Variants in SPTBN4 observed in about 807,000 individuals in gnomAD.
SPTBN4 encodes spectrin beta, non-erythrocytic 4.
SPTBN4 carries 96 observed loss-of-function variants against 277.8 expected under a neutral mutation model. That is an observed-to-expected ratio of 0.35 (90% CI 0.29 to 0.41). The LOEUF (loss-of-function observed/expected upper bound fraction) is 0.41. Ranked by LOEUF, SPTBN4 falls within the 10% of genes least tolerant of loss-of-function variation. The pLI, the probability that SPTBN4 is intolerant of heterozygous loss-of-function variation, is 1.00. For missense variants in SPTBN4, 3,006 were observed against 3,595.7 expected (o/e 0.84, Z 4.19); for synonymous variants, 1,481 against 1,580.3 (o/e 0.94, Z 1.49).
intron 33 of SPTBN4, 45 bp downstream of exon 33, chr19:40,570,773 G>T: frequency 1.3e-6 from 2 of 1,582,592 alleles, no homozygotes; most frequent in East Asian, 4.6e-5. Flanking sequence ...TCAGGCTCAG[G>T]GTGACCATTG....
At chr19:40,488,640 T>C (rs753712479) in intron 3 of SPTBN4, among the ~76,000 whole-genome samples, 1 of 152,024 alleles carries the variant, frequency 6.6e-6, no homozygotes, top group Non-Finnish European at 1.5e-5. Flanking sequence ...GTTTGTTTGT[T>C]TGTTTGTTTA....
chr19:40,523,247 TG>T (rs950479600), intron 16 of SPTBN4, among the ~76,000 whole-genome samples, 189 bp from the exon 17 acceptor site: 9 of 152,150 alleles, frequency 5.9e-5, no homozygotes, highest in African/African-American at 2.2e-4. Context: ...GAGCCAGCCA[TG>T]GGGGTATCTG....
chr19:40,479,321 G>C (rs1340714224), intron 2 of SPTBN4, among the ~76,000 whole-genome samples: 1 of 152,036 alleles, frequency 6.6e-6, no homozygotes, highest in Admixed American at 6.6e-5. Flanking sequence ...AAAATTGTTT[G>C]GACCCCACGT....
rs1467108308 is a variant in SPTBN4, at chr19:40,516,020, TAC to T, written c.2903+573_2903+574del. On this transcript the variant is annotated intron_variant, in intron 15 of 35. Coordinates refer to ENST00000598249, the MANE Select transcript of SPTBN4 (RefSeq NM_020971.3). ...ATATATACGTATATATACACACATA[TAC>T]GTATATATACACATATATATGTATA... Among the ~76,000 whole-genome samples the T allele has an allele frequency of 1.4e-4, 20 of 146,204 alleles. 1 individual carries two copies. Among genetic ancestry groups the T allele is most frequent in the East Asian group, 7.9e-4 (4 of 5,066 alleles).
chr19:40,559,483 A>C (rs1007447593), intron 26 of SPTBN4, among the ~76,000 whole-genome samples: 1 of 152,138 alleles, frequency 6.6e-6, no homozygotes, highest in Non-Finnish European at 1.5e-5. Context: ...CTCCATCTCT[A>C]TTACAACATA....
chr19:40,547,151 G>A (rs2080867881), intron 20 of SPTBN4, among the ~76,000 whole-genome samples: 1 of 151,750 alleles, frequency 6.6e-6, no homozygotes, highest in Non-Finnish European at 1.5e-5. Flanking sequence ...TTTACATTAG[G>A]TATTTCTCTT....
chr19:40,551,857 A>G (rs568189426), intron 22 of SPTBN4, among the ~76,000 whole-genome samples: 1 of 152,038 alleles, frequency 6.6e-6, no homozygotes, highest in East Asian at 1.9e-4. Flanking sequence ...AGCTGAGCAT[A>G]GTAGAAGGTG....
chr19:40,492,041 CAAAA>C (rs56708259), intron 4 of SPTBN4, among the ~76,000 whole-genome samples: 1 of 139,780 alleles, frequency 7.2e-6, no homozygotes, highest in Non-Finnish European at 1.5e-5. Flanking sequence ...AAAAACAAAA[CAAAA>C]AAAAAAACAA....
At chr19:40,521,634 C>T (rs947797789) in intron 16 of SPTBN4, among the ~76,000 whole-genome samples, 1 of 152,186 alleles carries the variant, frequency 6.6e-6, no homozygotes, top group African/African-American at 2.4e-5. Context: ...AATGCTCACT[C>T]GCCCCCCCTC....
chr19:40,531,141 C>T (rs1568815882), intron 18 of SPTBN4, among the ~76,000 whole-genome samples: 1 of 151,918 alleles, frequency 6.6e-6, no homozygotes, highest in Non-Finnish European at 1.5e-5. Context: ...TCTGGTTTTG[C>T]CCTCCATCAT....
rs60074818 is a variant in SPTBN4 at position 40,569,936 on chromosome 19, CCACACACACACA to C, written c.7026+237_7026+248del. Among the ~76,000 whole-genome samples the C allele has an allele frequency of 2.3e-3, 307 of 131,562 alleles. 3 individuals are homozygous for C. Among genetic ancestry groups the C allele is most frequent in the African/African-American group, 5.6e-3 (188 of 33,748 alleles). The allele number at this position is 131,562 out of a possible 152,430, so 86.3% of individuals were successfully genotyped here. The stretch of plus-strand genomic sequence containing the variant: ...TACCTAAGAGACCCCTACTGCCCCT[CCACACACACACA>C]CACACACACACACACACACACACAC... On this transcript the variant is annotated intron_variant, in intron 32 of 35. Transcript: ENST00000598249.
intron 4 of SPTBN4, among the ~76,000 whole-genome samples, chr19:40,492,169 G>C (rs771560497): frequency 1.3e-5 from 2 of 152,120 alleles, no homozygotes; most frequent in Admixed American, 6.6e-5. Context: ...GGGCAGGTGG[G>C]GAAGACACTC....
Position 40,554,253 on chromosome 19 carries a change from G to C in SPTBN4, c.4781G>C (p.Arg1594Pro). Residue 1594 changes from arginine to proline, a missense_variant, in exon 23 of 36, where the codon CGG becomes CCG. By Grantham distance (103) the Arg-to-Pro change is moderately radical. Transcript: ENST00000598249. The surrounding 1 kb of genome is among the most constrained non-coding windows in gnomAD (Gnocchi z 5.7). ...AGCCCGGAGGCAGAGGCAGTGCGCC[G>C]GGGCCTGGAGCAGCTGCAGAGCGCC... ...LRSPEAEAVRRGLEQLQSAWA... is the reference protein window; with the variant it reads ...LRSPEAEAVRPGLEQLQSAWA... The C allele has an allele frequency of 6.5e-7, 1 of 1,528,110 alleles. No individual in the cohort carries two copies. Among genetic ancestry groups the C allele is most frequent in the African/African-American group, 1.4e-5 (1 of 71,786 alleles). The allele number at this position is 1,528,110 out of a possible 1,614,324, so 94.7% of individuals were successfully genotyped here.
intron 24 of SPTBN4, among the ~76,000 whole-genome samples, chr19:40,555,528 G>A (rs1599803144): frequency 2.0e-5 from 3 of 149,286 alleles, no homozygotes; most frequent in Non-Finnish European, 1.5e-5. Flanking sequence ...AAAAAAGAAA[G>A]GAAACTGGGT....
At chr19:40,486,291 C>T (rs1422686665) in intron 2 of SPTBN4, among the ~76,000 whole-genome samples, 1 of 150,536 alleles carries the variant, frequency 6.6e-6, no homozygotes, top group Non-Finnish European at 1.5e-5. Context: ...ACCCCCGTCT[C>T]AAGGGAAAAA....
intron 30 of SPTBN4, chr19:40,567,156 T>C: frequency 2.2e-6 from 1 of 455,700 alleles, no homozygotes; most frequent in Non-Finnish European, 4.4e-6. Flanking sequence ...CAGCCAGGCG[T>C]GATGGCACGT....
chr19:40,557,940 A>G (rs868770364), intron 26 of SPTBN4, among the ~76,000 whole-genome samples: 81 of 150,926 alleles, frequency 5.4e-4, no homozygotes, highest in African/African-American at 1.8e-3. Flanking sequence ...AAAAAAAAAA[A>G]GCTTCCAATA....
intron 2 of SPTBN4, among the ~76,000 whole-genome samples, chr19:40,476,234 A>G (rs1299199702): frequency 6.6e-6 from 1 of 151,410 alleles, no homozygotes; most frequent in African/African-American, 2.4e-5. Context: ...AATCCCAGCT[A>G]CTCAGGAGGA....
Position 40,496,743 on chromosome 19 carries a change from T to C in SPTBN4, c.669-746T>C, listed in dbSNP as rs75696598. Among the ~76,000 whole-genome samples the C allele has an allele frequency of 5.0e-3, 763 of 152,110 alleles. 4 individuals are homozygous for C. Among genetic ancestry groups the C allele is most frequent in the Middle Eastern group, 0.014 (4 of 294 alleles). ...CTTCTAACCACTGCATAACACTACA[T>C]AAGAATCCCCAAAGTAAGCATATGT... is the stretch of plus-strand genomic sequence containing the variant. On this transcript the variant is annotated intron_variant, in intron 6 of 35. Coordinates refer to ENST00000598249, the MANE Select transcript of SPTBN4 (RefSeq NM_020971.3).
Sources: allele counts gnomAD v4.1 joint callset (sites outside exome capture counted in the v4.1 genomes callset), GRCh38; gene constraint gnomAD v4.1.1; non-coding constraint Gnocchi (gnomAD v3.1); transcripts MANE v1.5; gene names NCBI Gene and HGNC (gene_info 2026-07-23, HGNC 2026-07-21).